DENND2B: variants seen among roughly 807,000 people sequenced by gnomAD.
The protein encoded by DENND2B is DENN domain-containing protein 2B.
In DENND2B, 32 loss-of-function variants were observed where a neutral mutation model predicts 116.0. The ratio of observed to expected loss-of-function variants is 0.28; its 90% CI spans 0.21 to 0.37. The LOEUF is 0.37. Among genes scored for constraint, DENND2B ranks in the 10% least tolerant of loss-of-function variants. DENND2B has a pLI of 1.00. For synonymous variants in DENND2B, 588 were observed against 583.9 expected (o/e 1.01, Z -0.10); for missense variants, 1,276 against 1,477.7 (o/e 0.86, Z 2.24).
At position 8,730,305 on chromosome 11, in the gene DENND2B, C is replaced by T. The variant is rs779361390; in HGVS notation, c.985G>A (p.Gly329Ser). Residue 329 changes from glycine to serine, a missense_variant, in exon 3 of 20, where the codon GGC becomes AGC. This residue lies in a region of DENND2B where 856 missense variants were observed against 846.6 expected (regional missense o/e 1.01). Coordinates refer to ENST00000313726, the MANE Select transcript of DENND2B (RefSeq NM_213618.2). This position sits in a 1 kb window ranked among gnomAD's most constrained non-coding sequence, Gnocchi z 4.1. ...TLGSLEEPAG[G>S]ASVSAGSRAV... Reference sequence around the variant, plus strand: ...CGGCTGCCAGCGCTCACACTCGCGCCCCCTGCCGGCTCCTCCAAGGAGCCC... The same window carrying T: ...CGGCTGCCAGCGCTCACACTCGCGCTCCCTGCCGGCTCCTCCAAGGAGCCC... The T allele has an allele frequency of 4.4e-6, 7 of 1,603,410 alleles. No individual in the cohort carries two copies. In the South Asian group the frequency reaches 6.6e-5, roughly 15 times the overall value.
rs1313432736 is a variant in DENND2B, at chr11:8,699,209, C to T, written c.2898+4G>A. Reference sequence around the variant, plus strand: ...CCCCCCAGCTGGTTCCCCCGGTGGCCCACCTCCTCCACAGGCAGCTCCTTC... The same window carrying T: ...CCCCCCAGCTGGTTCCCCCGGTGGCTCACCTCCTCCACAGGCAGCTCCTTC... On this transcript the variant is annotated splice_donor_region_variant and intron_variant, in intron 15 of 19. Coordinates refer to ENST00000313726, the MANE Select transcript of DENND2B (RefSeq NM_213618.2). The T allele has an allele frequency of 1.9e-6, 3 of 1,554,006 alleles. No homozygotes were observed. Among genetic ancestry groups the T allele is most frequent in the Non-Finnish European group, 2.6e-6 (3 of 1,155,544 alleles).
intron 11 of DENND2B, among the ~76,000 whole-genome samples, chr11:8,708,783 C>G (rs1015810618): frequency 6.6e-6 from 1 of 152,166 alleles, no homozygotes; most frequent in African/African-American, 2.4e-5. Flanking sequence ...GAAACCCCAT[C>G]TCCACTAAAA....
In DENND2B at chr11:8,712,175, C is replaced by T. The variant is rs1218370727; in HGVS notation, c.2172+376G>A. 2.8e-6 allele frequency: 1 copy of T among 358,684 alleles called. No homozygotes were observed. The highest frequency in any genetic ancestry group is 7.2e-5 in the East Asian group (1 of 13,804). The allele number at this position is 358,684 out of a possible 1,614,324, so 22.2% of individuals were successfully genotyped here. ...AGTGCGGAGTGACAGCTAGTGGGTGCAGAGTTTCTCTTTGGGGTGATAAAA... is the reference window on the plus strand; with the variant it reads ...AGTGCGGAGTGACAGCTAGTGGGTGTAGAGTTTCTCTTTGGGGTGATAAAA... On this transcript the variant is annotated intron_variant, in intron 9 of 19. Coordinates refer to ENST00000313726, the MANE Select transcript of DENND2B (RefSeq NM_213618.2). This position sits in a 1 kb window ranked among gnomAD's most constrained non-coding sequence, Gnocchi z 4.4.
intron 1 of DENND2B, among the ~76,000 whole-genome samples, chr11:8,799,518 T>C (rs184266679): frequency 9.9e-5 from 15 of 151,248 alleles, no homozygotes; most frequent in Admixed American, 8.6e-4. Flanking sequence ...TCACATGTCC[T>C]AGCTATTTTC....
At chr11:8,766,106 T>C (rs895769298) in intron 1 of DENND2B, among the ~76,000 whole-genome samples, 1 of 152,028 alleles carries the variant, frequency 6.6e-6, no homozygotes, top group Non-Finnish European at 1.5e-5. Context: ...AAAAAAAAAT[T>C]ACTGAAACAC....
chr11:8,833,164 C>T (rs898053417), intron 4 of DENND2B, among the ~76,000 whole-genome samples: 4 of 152,170 alleles, frequency 2.6e-5, no homozygotes, highest in African/African-American at 9.7e-5. Flanking sequence ...AGTCATGCTT[C>T]AGAGGTCATA....
At chr11:8,891,878 G>A (rs185767524) in intron 1 of DENND2B, among the ~76,000 whole-genome samples, 28 of 152,278 alleles carry the variant, frequency 1.8e-4, no homozygotes, top group African/African-American at 6.3e-4. Context: ...ACTCAGCTCT[G>A]CACCAAGCGG....
intron 1 of DENND2B, chr11:8,776,148 A>ACGCG (rs762259209): frequency 5.0e-4 from 94 of 189,498 alleles, no homozygotes; most frequent in Middle Eastern, 2.0e-3. Context: ...ACGTGCGCGC[A>ACGCG]CGCGCGCGCG....
At chr11:8,733,554 A>G (rs1303636444) in intron 2 of DENND2B, among the ~76,000 whole-genome samples, 1 of 152,166 alleles carries the variant, frequency 6.6e-6, no homozygotes, top group African/African-American at 2.4e-5. Context: ...TGAGACTCAC[A>G]ATCTCTTGGG....
chr11:8,812,017 G>A (rs916013579), upstream of DENND2B, among the ~76,000 whole-genome samples: 1 of 152,208 alleles, frequency 6.6e-6, no homozygotes, highest in Non-Finnish European at 1.5e-5. Context: ...GGGATTACAG[G>A]CGTGAGCCAG....
At chr11:8,696,404 G>A (rs1347240607) in intron 18 of DENND2B, 23 bp downstream of exon 18, 1 of 1,611,936 alleles carries the variant, frequency 6.2e-7, no homozygotes, top group African/African-American at 1.3e-5. Context: ...AATTAGAGAA[G>A]AGAGCTGATA....
upstream of DENND2B, among the ~76,000 whole-genome samples, chr11:8,815,382 A>G (rs1434372512): frequency 6.6e-6 from 1 of 152,098 alleles, no homozygotes; most frequent in African/African-American, 2.4e-5. Context: ...ACTACATCCA[A>G]CGTTCCCTCT....
At chr11:8,908,982 C>T (rs962147970) in intron 1 of DENND2B, among the ~76,000 whole-genome samples, 1 of 152,120 alleles carries the variant, frequency 6.6e-6, no homozygotes, top group African/African-American at 2.4e-5. Flanking sequence ...CCAATTCACA[C>T]ATTCAAGGGC....
intron 1 of DENND2B, among the ~76,000 whole-genome samples, chr11:8,772,542 C>T (rs958506606): frequency 6.6e-6 from 1 of 152,108 alleles, no homozygotes; most frequent in Non-Finnish European, 1.5e-5. Context: ...AAACCCCACA[C>T]ATTTGGTGTC....
rs1177142199 is a variant in DENND2B, at chr11:8,702,481, G to A, written c.2720+91C>T. On this transcript the variant is annotated intron_variant, in intron 14 of 19. Coordinates refer to ENST00000313726, the MANE Select transcript of DENND2B (RefSeq NM_213618.2). This position sits in a 1 kb window ranked among gnomAD's most constrained non-coding sequence, Gnocchi z 4.6. ...CAGCCCCACTCCAGCACTGGTCTCCGGCGCCTGCTTAGGCTCCTGAACACT... is the reference window on the plus strand; with the variant it reads ...CAGCCCCACTCCAGCACTGGTCTCCAGCGCCTGCTTAGGCTCCTGAACACT... The A allele has an allele frequency of 3.2e-6, 5 of 1,565,324 alleles. No homozygotes were observed. Among genetic ancestry groups the A allele is most frequent in the African/African-American group, 2.7e-5 (2 of 73,642 alleles).
At chr11:8,843,094 G>A (rs2062681800) in intron 3 of DENND2B, among the ~76,000 whole-genome samples, 1 of 151,918 alleles carries the variant, frequency 6.6e-6, no homozygotes, top group African/African-American at 2.4e-5. Flanking sequence ...TCGGCTCACT[G>A]CAACATCCGC....
intron 4 of DENND2B, among the ~76,000 whole-genome samples, chr11:8,817,090 T>TGG (rs1380310200): frequency 2.0e-5 from 3 of 152,222 alleles, no homozygotes; most frequent in Admixed American, 1.3e-4. Flanking sequence ...AATTACAGAA[T>TGG]GGGGAAATTA....
intron 4 of DENND2B, among the ~76,000 whole-genome samples, chr11:8,725,375 C>T (rs74235486): frequency 0.01 from 840 of 82,062 alleles, 20 homozygotes; most frequent in African/African-American, 0.018. Context: ...TGAAATATTA[C>T]TTTTTTTTTT....
intron 1 of DENND2B, among the ~76,000 whole-genome samples, chr11:8,784,390 G>A (rs1339460797): frequency 2.0e-5 from 3 of 149,356 alleles, no homozygotes; most frequent in African/African-American, 7.5e-5. Flanking sequence ...CTGTGCCACT[G>A]TACTCCAGCC....
Sources: gnomAD v4.1 joint callset for allele counts (sites outside exome capture counted in the v4.1 genomes callset) on GRCh38, gnomAD v4.1.1 for gene constraint, gnomAD v4.1.1 regional missense constraint, Gnocchi (gnomAD v3.1) non-coding constraint, MANE v1.5 for transcripts, NCBI Gene and HGNC (gene_info 2026-07-23, HGNC 2026-07-21) for gene names.